The following DSC3 variants were observed in gnomAD, a reference collection of about 807,000 sequenced individuals.
DSC3 encodes desmocollin 3.
Under a neutral mutation model 89.5 loss-of-function variants are expected in DSC3, and 97 were observed. That is an observed-to-expected ratio of 1.08 (90% CI 0.92 to 1.28). DSC3 has a LOEUF of 1.28. Among genes scored for constraint, DSC3 ranks in the 50% most tolerant of loss-of-function variants. DSC3 has a pLI of 0.00. For synonymous variants in DSC3, 436 were observed against 384.1 expected (o/e 1.14, Z -1.58); for missense variants, 1,199 against 1,085.3 (o/e 1.10, Z -1.47).
rs1984358142 is a variant in DSC3 at position 30,993,862 on chromosome 18, T to C, written c.*313A>G. 7.7e-6 allele frequency: 2 copies of C among 260,266 alleles called. No homozygotes were observed. Among genetic ancestry groups the C allele is most frequent in the Admixed American group, 1.0e-4 (2 of 19,864 alleles). The allele number at this position is 260,266 out of a possible 1,614,324, so 16.1% of individuals were successfully genotyped here. ...ATAATAATGTGATATTAGCATAACT[T>C]AGCTATTGTTGGACTAATATTTATC... On this transcript the variant is annotated 3_prime_UTR_variant, in exon 16 of 16. Coordinates refer to ENST00000360428, the MANE Select transcript of DSC3 (RefSeq NM_001941.5).
Position 30,996,860 on chromosome 18 carries a change from G to A in DSC3, c.2424C>T (p.His808=). The A allele has an allele frequency of 6.2e-7, 1 of 1,613,780 alleles. No individual in the cohort carries two copies. Among genetic ancestry groups the A allele is most frequent in the Non-Finnish European group, 8.5e-7 (1 of 1,179,994 alleles). ...TGTATCTGCAGTTGTCCACCTCCGT[G>A]TGTCCTCCCCTGCAGGAGTCCAGGG... The part of the protein sequence containing the change: ...HHTLDSCRGG[H]TEVDNCRYTY... Residue 808 remains histidine, a synonymous_variant, in exon 15 of 16, where the codon CAC becomes CAT. Coordinates refer to ENST00000360428, the MANE Select transcript of DSC3 (RefSeq NM_001941.5).
intron 15 of DSC3, among the ~76,000 whole-genome samples, chr18:30,996,354 G>A (rs1195728959): frequency 6.6e-6 from 1 of 152,016 alleles, no homozygotes; most frequent in African/African-American, 2.4e-5. Flanking sequence ...TTGTCAATTT[G>A]CAATAAGATA....
At chr18:30,996,043 T>A (rs1984454188) in intron 15 of DSC3, among the ~76,000 whole-genome samples, 2 of 150,036 alleles carry the variant, frequency 1.3e-5, no homozygotes, top group South Asian at 4.2e-4. Flanking sequence ...GATTTTGGTA[T>A]GAACAGAGAA....
chr18:31,000,990 T>A (rs1477109709), intron 14 of DSC3, among the ~76,000 whole-genome samples: 2 of 150,790 alleles, frequency 1.3e-5, no homozygotes, highest in South Asian at 2.1e-4. Flanking sequence ...ATATATATAT[T>A]TTGTGTACAT....
rs1290808612 is a variant in DSC3 at position 30,993,920 on chromosome 18, A to C, written c.*255T>G. The C allele has an allele frequency of 1.4e-5, 5 of 357,974 alleles. No individual in the cohort carries two copies. Among genetic ancestry groups the C allele is most frequent in the Non-Finnish European group, 2.6e-5 (5 of 193,122 alleles). The allele number at this position is 357,974 out of a possible 1,614,324, so 22.2% of individuals were successfully genotyped here. A position where few individuals can be genotyped will look rare whatever the true frequency, so the allele number is the denominator to read the frequency against. On this transcript the variant is annotated 3_prime_UTR_variant, in exon 16 of 16. Transcript: ENST00000360428. Reference sequence around the variant, plus strand: ...TTTATTACTAAAATATCCGTAAAAAAAAAAAAGAGCAGATGCTTTAGAGAC... The same window carrying C: ...TTTATTACTAAAATATCCGTAAAAACAAAAAAGAGCAGATGCTTTAGAGAC...
chr18:31,011,965 T>C (rs1451355798), intron 9 of DSC3, among the ~76,000 whole-genome samples: 2 of 36,412 alleles, frequency 5.5e-5, no homozygotes. Context: ...AAGTACTCCA[T>C]CTCCAAAAAA....
chr18:31,007,413 G>T (rs766724598), intron 11 of DSC3, among the ~76,000 whole-genome samples: 8 of 152,196 alleles, frequency 5.3e-5, no homozygotes, highest in Admixed American at 1.3e-4. Flanking sequence ...ATTTTTGGGG[G>T]TTCCAGGTGC....
Position 30,993,514 on chromosome 18 carries a change from C to T in DSC3, c.*661G>A. 1 of 152,272 alleles carries T rather than the reference C, an allele frequency of 6.6e-6. No individual in the cohort carries two copies. Among genetic ancestry groups the T allele is most frequent in the Non-Finnish European group, 1.5e-5 (1 of 68,116 alleles). 9.4% of individuals were successfully genotyped at this position (152,272 alleles called of 1,614,324 possible). A position where few individuals can be genotyped will look rare whatever the true frequency, so the allele number is the denominator to read the frequency against. ...TTCTATTGTAGGACAAACTATACCC[C>T]AGCCTCATTTCAAGTTTTTACCATT... On this transcript the variant is annotated 3_prime_UTR_variant, in exon 16 of 16. Transcript: ENST00000360428.
Position 31,029,604 on chromosome 18 carries a change from C to T in DSC3, c.379G>A (p.Glu127Lys). ...CTCTTGGCACGCCTGAGAACAGTTTCTCTAGTGTGTCTTGTCTTCGATACC... is the reference window on the plus strand; with the variant it reads ...CTCTTGGCACGCCTGAGAACAGTTTTTCTAGTGTGTCTTGTCTTCGATACC... ...KKVSKTRHTR[E>K]TVLRRAKRRW... Residue 127 changes from glutamate (E) to lysine (K), a missense_variant, in exon 4 of 16, where the codon GAA becomes AAA. By Grantham distance (56) the Glu-to-Lys change is moderately conservative. Coordinates refer to ENST00000360428, the MANE Select transcript of DSC3 (RefSeq NM_001941.5). 6.2e-7 allele frequency: 1 copy of T among 1,613,820 alleles called. No individual in the cohort carries two copies. Among genetic ancestry groups the T allele is most frequent in the East Asian group, 2.2e-5 (1 of 44,860 alleles).
In DSC3 at chr18:30,990,780, A is replaced by G. The variant is rs181587664; in HGVS notation, c.*3395T>C. Reference sequence around the variant, plus strand: ...GTGTACTATTCATGGAATACTCTGCAATTATAACCACCTTCTAATACTTTT... The same window carrying G: ...GTGTACTATTCATGGAATACTCTGCGATTATAACCACCTTCTAATACTTTT... On this transcript the variant is annotated 3_prime_UTR_variant, in exon 16 of 16. Coordinates refer to ENST00000360428, the MANE Select transcript of DSC3 (RefSeq NM_001941.5). The G allele has an allele frequency of 6.6e-6, 1 of 152,308 alleles. No homozygotes were observed. Among genetic ancestry groups the G allele is most frequent in the East Asian group, 1.9e-4 (1 of 5,188 alleles). The allele number at this position is 152,308 out of a possible 1,614,324, so 9.4% of individuals were successfully genotyped here.
At chr18:31,010,973 G>A (rs1047491088) in intron 9 of DSC3, among the ~76,000 whole-genome samples, 4 of 152,278 alleles carry the variant, frequency 2.6e-5, no homozygotes, top group Admixed American at 6.5e-5. Flanking sequence ...GTGCTGTTAC[G>A]TTCAATATTA....
chr18:31,001,024 A>G (rs1383386746), intron 14 of DSC3, among the ~76,000 whole-genome samples: 1 of 148,972 alleles, frequency 6.7e-6, no homozygotes, highest in African/African-American at 2.5e-5. Context: ...GTGTGTATAT[A>G]TATATACTTT....
chr18:31,027,258 G>C (rs1567959497), intron 4 of DSC3, among the ~76,000 whole-genome samples: 1 of 152,112 alleles, frequency 6.6e-6, no homozygotes, highest in Non-Finnish European at 1.5e-5. Context: ...CTTGAAACCA[G>C]AGTTCTGGAT....
intron 5 of DSC3, among the ~76,000 whole-genome samples, chr18:31,024,973 T>C (rs1985549443): frequency 6.6e-6 from 1 of 152,154 alleles, no homozygotes; most frequent in South Asian, 2.1e-4. Flanking sequence ...GTTTCCCCAT[T>C]GCTGAGTAAA....
chr18:30,993,926 AG>A lies in DSC3; in HGVS notation c.*248del, dbSNP rs1984361753. ...ACTAAAATATCCGTAAAAAAAAAAA[AG>A]AGCAGATGCTTTAGAGACCTTAATT... On this transcript the variant is annotated 3_prime_UTR_variant, in exon 16 of 16. Transcript: ENST00000360428. 2.7e-6 allele frequency: 1 copy of A among 364,304 alleles called. No individual in the cohort carries two copies. The highest frequency in any genetic ancestry group is 5.1e-6 in the Non-Finnish European group (1 of 197,058). The allele number at this position is 364,304 out of a possible 1,614,324, so 22.6% of individuals were successfully genotyped here.
At chr18:31,029,761 A>G in intron 3 of DSC3, 133 bp from the exon 4 acceptor site, 2 of 1,117,162 alleles carry the variant, frequency 1.8e-6, no homozygotes, top group Non-Finnish European at 1.3e-6. Flanking sequence ...CTGGAGCTAA[A>G]CCAGTTAATA....
At chr18:31,004,394 T>C in intron 12 of DSC3, 28 bp from the exon 13 acceptor site, 1 of 1,593,304 alleles carries the variant, frequency 6.3e-7, no homozygotes, top group Non-Finnish European at 8.6e-7. Context: ...AAGTTTATTT[T>C]TTAATGATCA....
At chr18:31,021,899 A>G (rs1413653550) in intron 7 of DSC3, among the ~76,000 whole-genome samples, 1 of 152,140 alleles carries the variant, frequency 6.6e-6, no homozygotes, top group Non-Finnish European at 1.5e-5. Context: ...AGTGTTTCAT[A>G]TTTTTAATAA....
Position 31,007,190 on chromosome 18 carries a change from G to T in DSC3, c.1664-59C>A. On this transcript the variant is annotated intron_variant, in intron 11 of 15. Coordinates refer to ENST00000360428, the MANE Select transcript of DSC3 (RefSeq NM_001941.5). The stretch of plus-strand genomic sequence containing the variant: ...TAAAATTCTTTCATAGTTTCTTAAA[G>T]AATAAAAAGTCAATTATATTCTATA... 7.0e-6 allele frequency: 9 copies of T among 1,279,036 alleles called. No individual in the cohort carries two copies. The South Asian group carries it at 8.7e-5, about 12-fold the overall frequency. The allele number at this position is 1,279,036 out of a possible 1,614,324, so 79.2% of individuals were successfully genotyped here. A position where few individuals can be genotyped will look rare whatever the true frequency, so the allele number is the denominator to read the frequency against.
Sources: gnomAD v4.1 joint callset for allele counts (sites outside exome capture counted in the v4.1 genomes callset) on GRCh38, gnomAD v4.1.1 for gene constraint, MANE v1.5 for transcripts, NCBI Gene and HGNC (gene_info 2026-07-23, HGNC 2026-07-21) for gene names.